Variants in CDH13 observed in about 807,000 individuals in gnomAD.
CDH13 encodes cadherin 13.
In CDH13, 24 loss-of-function variants were observed where a neutral mutation model predicts 63.8. The ratio of observed to expected loss-of-function variants is 0.38; its 90% confidence interval spans 0.27 to 0.53. CDH13 has a LOEUF of 0.53. CDH13 is among the 20% of genes least tolerant of loss of function. The pLI, the probability that CDH13 is intolerant of heterozygous loss-of-function variation, is 0.85. For missense variants in CDH13, 1,049 were observed against 903.1 expected, an observed-to-expected ratio of 1.16 and a Z score of -2.07; for synonymous variants, 503 against 355.3, an observed-to-expected ratio of 1.42 and a Z score of -4.67.
chr16:83,000,223 A>ATTTTTTTTTTTTTTTTTTT (rs746904500), intron 2 of CDH13, among the ~76,000 whole-genome samples: 2 of 37,030 alleles, frequency 5.4e-5, no homozygotes, highest in African/African-American at 1.6e-4. Context: ...GGTTTAGCTT[A>ATTTTTTTTTTTTTTTTTTT]TTTTTTTTTT....
intron 6 of CDH13, among the ~76,000 whole-genome samples, chr16:83,431,787 G>T (rs2072117876): frequency 6.6e-6 from 1 of 152,112 alleles, no homozygotes; most frequent in African/African-American, 2.4e-5. Context: ...CCATTCGCAA[G>T]AATTCACCCC....
intron 1 of CDH13, among the ~76,000 whole-genome samples, chr16:82,779,158 A>G (rs1479050199): frequency 1.3e-5 from 2 of 152,208 alleles, no homozygotes; most frequent in East Asian, 3.9e-4. Flanking sequence ...CAGTTACTGT[A>G]TGCTAGATAT....
chr16:82,835,228 C>G (rs990236167), intron 1 of CDH13, among the ~76,000 whole-genome samples: 2 of 152,218 alleles, frequency 1.3e-5, no homozygotes, highest in Non-Finnish European at 1.5e-5. Flanking sequence ...TTTGGACTCA[C>G]CACATTTCAG....
chr16:82,804,243 TTAGAGTTTAGA>T (rs2037027041), intron 1 of CDH13, among the ~76,000 whole-genome samples: 1 of 120,068 alleles, frequency 8.3e-6, no homozygotes, highest in Non-Finnish European at 1.7e-5. Flanking sequence ...AAAAATGTGT[TTAGAGTTTAGA>T]TCTCAGGTTA....
intron 5 of CDH13, among the ~76,000 whole-genome samples, chr16:83,258,707 A>G (rs778352881): frequency 1.3e-5 from 2 of 152,344 alleles, no homozygotes; most frequent in East Asian, 1.9e-4. Flanking sequence ...TTAATTTAAC[A>G]TGACACCAAC....
intron 2 of CDH13, among the ~76,000 whole-genome samples, chr16:82,883,312 C>G (rs1214992231): frequency 4.6e-5 from 7 of 152,158 alleles, no homozygotes; most frequent in Non-Finnish European, 4.4e-5. Context: ...TCATCCCCAC[C>G]ATCACATCAT....
intron 6 of CDH13, among the ~76,000 whole-genome samples, chr16:83,367,333 T>C (rs1397138861): frequency 6.6e-6 from 1 of 152,198 alleles, no homozygotes; most frequent in African/African-American, 2.4e-5. Flanking sequence ...ATTAATATTG[T>C]ATGGGATTAT....
intron 1 of CDH13, among the ~76,000 whole-genome samples, chr16:82,654,637 G>T (rs1911094068): frequency 6.6e-6 from 1 of 152,094 alleles, no homozygotes; most frequent in Non-Finnish European, 1.5e-5. Context: ...TAAAATGTTT[G>T]ACAACTTTTA....
chr16:83,568,163 C>G (rs201893440), intron 7 of CDH13, among the ~76,000 whole-genome samples: 1 of 151,440 alleles, frequency 6.6e-6, no homozygotes, highest in Non-Finnish European at 1.5e-5. Context: ...GCTGGTGGAA[C>G]GAAATGACAC....
rs2035752477 is a variant in CDH13 at position 82,781,508 on chromosome 16, C to T, written c.46-76854C>T. Reference sequence around the variant, plus strand: ...ATACATCCATCTACCCATCTGTCCACCCACTCACCCATCTATTCACCTATC... The same window carrying T: ...ATACATCCATCTACCCATCTGTCCATCCACTCACCCATCTATTCACCTATC... On this transcript the variant is annotated intron_variant, in intron 1 of 13. Coordinates refer to ENST00000567109, the MANE Select transcript of CDH13 (RefSeq NM_001257.5). 2.6e-5 allele frequency among the ~76,000 whole-genome samples: 4 copies of T among 152,198 alleles called. No homozygotes were observed. The South Asian group carries it at 8.3e-4, about 32-fold the overall frequency.
chr16:82,627,554 C>T (rs1366522716), intron 1 of CDH13, among the ~76,000 whole-genome samples: 1 of 152,164 alleles, frequency 6.6e-6, no homozygotes, highest in Non-Finnish European at 1.5e-5. Context: ...CCCAGCCCAA[C>T]GCCCAGCGGC....
At chr16:82,906,646 C>G (rs1474534901) in intron 2 of CDH13, among the ~76,000 whole-genome samples, 1 of 152,152 alleles carries the variant, frequency 6.6e-6, no homozygotes, top group African/African-American at 2.4e-5. Flanking sequence ...ACCACTAACT[C>G]AAATGGCTTA....
At chr16:83,268,863 C>T (rs1202034962) in intron 5 of CDH13, among the ~76,000 whole-genome samples, 1 of 152,118 alleles carries the variant, frequency 6.6e-6, no homozygotes, top group Non-Finnish European at 1.5e-5. Context: ...CTCACCTACC[C>T]AGTTCTTAGG....
chr16:82,884,888 C>T (rs1030835925), intron 2 of CDH13, among the ~76,000 whole-genome samples: 49 of 152,260 alleles, frequency 3.2e-4, no homozygotes, highest in African/African-American at 1.0e-3. Flanking sequence ...TCTAAAGTTG[C>T]GTCAAATTTT....
chr16:82,918,720 G>A (rs1483974839), intron 2 of CDH13, among the ~76,000 whole-genome samples: 3 of 152,102 alleles, frequency 2.0e-5, no homozygotes, highest in Non-Finnish European at 4.4e-5. Context: ...TGTTGGCCAG[G>A]CTGGTCTTGA....
chr16:82,834,453 G>A (rs1295493001), intron 1 of CDH13, among the ~76,000 whole-genome samples: 1 of 152,104 alleles, frequency 6.6e-6, no homozygotes, highest in Admixed American at 6.6e-5. Flanking sequence ...ACAGCCATAA[G>A]AAAGTTTCCC....
At chr16:83,793,448 G>C (rs1404647562) in intron 13 of CDH13, among the ~76,000 whole-genome samples, 1 of 152,192 alleles carries the variant, frequency 6.6e-6, no homozygotes, top group Non-Finnish European at 1.5e-5. Flanking sequence ...GCAGGTGCTG[G>C]GAAGACAGGC....
chr16:83,388,609 A>G (rs1815533220), intron 6 of CDH13, among the ~76,000 whole-genome samples: 1 of 152,134 alleles, frequency 6.6e-6, no homozygotes, highest in South Asian at 2.1e-4. Context: ...CACTCTTCCC[A>G]TGATGCTGAT....
intron 1 of CDH13, among the ~76,000 whole-genome samples, chr16:82,827,560 C>G (rs2038313345): frequency 6.6e-6 from 1 of 152,090 alleles, no homozygotes. Context: ...ATACTGTGGA[C>G]TAGAGTCAAT....
Sources: allele counts gnomAD v4.1 joint callset (sites outside exome capture counted in the v4.1 genomes callset), GRCh38; gene constraint gnomAD v4.1.1; transcripts MANE v1.5; gene names NCBI Gene and HGNC (gene_info 2026-07-23, HGNC 2026-07-21).